NEIL3: variants seen among roughly 807,000 people sequenced by gnomAD.
NEIL3 encodes nei like DNA glycosylase 3.
In NEIL3, 48 loss-of-function variants were observed where a neutral mutation model predicts 57.5. The ratio of observed to expected loss-of-function variants is 0.83; its 90% CI spans 0.66 to 1.06. The LOEUF is 1.06. Among genes scored for constraint, NEIL3 ranks in the 50% least tolerant of loss-of-function variants. The probability of loss-of-function intolerance (pLI) is 0.00; values close to 1 mark genes in which losing one functional copy is unlikely to be tolerated. For missense variants in NEIL3, 717 were observed against 739.1 expected (o/e 0.97, Z 0.35); for synonymous variants, 261 against 253.2 (o/e 1.03, Z -0.29).
At chr4:177,353,237 A>T in intron 7 of NEIL3, 71 bp from the exon 8 acceptor site, 2 of 1,310,108 alleles carry the variant, frequency 1.5e-6, no homozygotes, top group Non-Finnish European at 2.1e-6. Context: ...TAATCAAATA[A>T]AAAGATGTTT....
downstream of NEIL3, among the ~76,000 whole-genome samples, chr4:177,366,695 G>A (rs1735697632): frequency 6.6e-6 from 1 of 152,144 alleles, no homozygotes. Flanking sequence ...CACCGCGCCA[G>A]GCCTCCAATA....
chr4:177,359,126 C>T (rs1375276558), intron 8 of NEIL3, among the ~76,000 whole-genome samples: 1 of 152,118 alleles, frequency 6.6e-6, no homozygotes, highest in African/African-American at 2.4e-5. Context: ...AAGTCCTCTG[C>T]CTCTCAGCTT....
intron 1 of NEIL3, among the ~76,000 whole-genome samples, chr4:177,320,300 A>G (rs1331727913): frequency 2.0e-5 from 3 of 152,030 alleles, no homozygotes; most frequent in Non-Finnish European, 4.4e-5. Context: ...TTCCTCACTG[A>G]GTACTCAAGC....
At chr4:177,310,664 A>G (rs1236382656) in intron 1 of NEIL3, among the ~76,000 whole-genome samples, 1 of 152,224 alleles carries the variant, frequency 6.6e-6, no homozygotes, top group Non-Finnish European at 1.5e-5. Flanking sequence ...TGGTTCCCTT[A>G]AGTGAATTTA....
At chr4:177,320,689 G>A (rs1201361807) in intron 1 of NEIL3, among the ~76,000 whole-genome samples, 1 of 150,886 alleles carries the variant, frequency 6.6e-6, no homozygotes, top group East Asian at 2.0e-4. Flanking sequence ...CGGTGGTCTC[G>A]ATCTCCTGAC....
At position 177,362,543 on chromosome 4, in the gene NEIL3, A is replaced by C; in HGVS notation, c.*72A>C. ...GTTTGGTCCTCCTCTGTTTCATAGA[A>C]AAGTCATAGAATATCTATGATACAT... is the stretch of plus-strand genomic sequence containing the variant. On this transcript the variant is annotated 3_prime_UTR_variant, in exon 10 of 10. Coordinates refer to ENST00000264596, the MANE Select transcript of NEIL3 (RefSeq NM_018248.3). The C allele has an allele frequency of 8.5e-7, 1 of 1,179,924 alleles. No homozygotes were observed. The allele number at this position is 1,179,924 out of a possible 1,614,324, so 73.1% of individuals were successfully genotyped here.
At chr4:177,313,678 C>G (rs1734518164) in intron 1 of NEIL3, among the ~76,000 whole-genome samples, 1 of 152,100 alleles carries the variant, frequency 6.6e-6, no homozygotes, top group African/African-American at 2.4e-5. Context: ...GGATATGAAA[C>G]AGTTTATAAG....
chr4:177,327,573 C>T (rs1257516670), intron 2 of NEIL3, among the ~76,000 whole-genome samples: 1 of 152,104 alleles, frequency 6.6e-6, no homozygotes, highest in Non-Finnish European at 1.5e-5. Flanking sequence ...TCCTAATGCT[C>T]TCCCTCTCCT....
At chr4:177,320,472 T>TGC (rs1734659145) in intron 1 of NEIL3, among the ~76,000 whole-genome samples, 1 of 70,824 alleles carries the variant, frequency 1.4e-5, no homozygotes, top group Non-Finnish European at 3.4e-5. Flanking sequence ...CTGTCTTTTT[T>TGC]TTTTTTTTTT....
At position 177,310,068 on chromosome 4, in the gene NEIL3, G is replaced by C; in HGVS notation, c.115G>C (p.Ala39Pro). ...GSALRSLQGR[A>P]LRLAASTVVV... The stretch of plus-strand genomic sequence containing the variant: ...CGCTCTGCGGAGTCTGCAGGGCCGC[G>C]CCTTGCGGCTCGCAGCCTCCACGGT... Residue 39 changes from alanine (A) to proline (P), a missense_variant, in exon 1 of 10, where the codon GCC becomes CCC. Physicochemically the swap from Ala to Pro is conservative, Grantham distance 27 (BLOSUM62 -1). Coordinates refer to ENST00000264596, the MANE Select transcript of NEIL3 (RefSeq NM_018248.3). The C allele has an allele frequency of 6.3e-7, 1 of 1,599,530 alleles. No individual in the cohort carries two copies. The highest frequency in any genetic ancestry group is 8.5e-7 in the Non-Finnish European group (1 of 1,174,206).
chr4:177,339,984 G>A, intron 5 of NEIL3, 127 bp downstream of exon 5: 1 of 644,378 alleles, frequency 1.6e-6, no homozygotes, highest in Non-Finnish European at 2.8e-6. Context: ...CATTAAGGGA[G>A]AGTGACATTA....
intron 1 of NEIL3, among the ~76,000 whole-genome samples, chr4:177,320,145 C>T (rs1480626817): frequency 6.6e-6 from 1 of 152,028 alleles, no homozygotes; most frequent in Non-Finnish European, 1.5e-5. Context: ...ACCTTAAAAC[C>T]CACTATTGTA....
At chr4:177,353,231 C>A (rs934562077) in intron 7 of NEIL3, 77 bp from the exon 8 acceptor site, 10 of 1,264,560 alleles carry the variant, frequency 7.9e-6, no homozygotes, top group Non-Finnish European at 7.8e-6. Context: ...ATTTTTTAAT[C>A]AAATAAAAAG....
intron 7 of NEIL3, among the ~76,000 whole-genome samples, chr4:177,352,990 G>A (rs1181465013): frequency 2.0e-5 from 3 of 152,072 alleles, no homozygotes; most frequent in African/African-American, 7.2e-5. Flanking sequence ...ACTTTTTAAT[G>A]CTTTGCCTAA....
intron 4 of NEIL3, among the ~76,000 whole-genome samples, 157 bp downstream of exon 4, chr4:177,336,478 G>A (rs559712813): frequency 6.6e-5 from 10 of 151,972 alleles, no homozygotes; most frequent in African/African-American, 1.9e-4. Context: ...CAGTGCAGCC[G>A]GCTCCTACCA....
intron 8 of NEIL3, among the ~76,000 whole-genome samples, chr4:177,360,260 T>G (rs1391953780): frequency 6.6e-6 from 1 of 152,232 alleles, no homozygotes; most frequent in Admixed American, 6.5e-5. Context: ...GTCCAGCTGC[T>G]TTTGTTCTTT....
chr4:177,333,887 G>A (rs922234705), intron 2 of NEIL3, among the ~76,000 whole-genome samples: 25 of 152,102 alleles, frequency 1.6e-4, no homozygotes, highest in African/African-American at 5.3e-4. Context: ...CTGAGAAAAC[G>A]ACAGAGACCT....
At chr4:177,344,160 C>G (rs2110916667) in intron 6 of NEIL3, among the ~76,000 whole-genome samples, 1 of 152,268 alleles carries the variant, frequency 6.6e-6, no homozygotes, top group South Asian at 2.1e-4. Context: ...TCCCTCTTCC[C>G]TCCCGACCTG....
At chr4:177,349,884 A>G (rs1735315873) in intron 6 of NEIL3, among the ~76,000 whole-genome samples, 1 of 152,218 alleles carries the variant, frequency 6.6e-6, no homozygotes, top group African/African-American at 2.4e-5. Context: ...GGAAAATCTA[A>G]AAGTCATTTA....
Sources: gnomAD v4.1 joint callset for allele counts (sites outside exome capture counted in the v4.1 genomes callset) on GRCh38, gnomAD v4.1.1 for gene constraint, MANE v1.5 for transcripts, NCBI Gene and HGNC (gene_info 2026-07-23, HGNC 2026-07-21) for gene names.